LMNTD1: variants seen among roughly 807,000 people sequenced by gnomAD.
LMNTD1 encodes lamin tail domain-containing protein 1.
In LMNTD1, 35 loss-of-function variants were observed where a neutral mutation model predicts 50.9. That is an observed-to-expected ratio of 0.69 (90% CI 0.53 to 0.91). LMNTD1 has a LOEUF of 0.91. Among genes scored for constraint, LMNTD1 ranks in the 40% least tolerant of loss-of-function variants. LMNTD1 has a pLI of 0.00. For synonymous variants in LMNTD1, 153 were observed against 161.9 expected (o/e 0.94, Z 0.42); for missense variants, 470 against 475.5 (o/e 0.99, Z 0.11).
intron 1 of LMNTD1, among the ~76,000 whole-genome samples, chr12:25,612,986 G>A (rs755365080): frequency 1.6e-4 from 24 of 152,146 alleles, no homozygotes; most frequent in Non-Finnish European, 2.6e-4. Context: ...ATGGGATGAT[G>A]GCAGCAGCAG....
rs577751330 is a variant in LMNTD1 at position 25,479,654 on chromosome 12, A to C, written c.*23-3194T>G. ...AGGCAATGCTGTGTGGAATACCATGACGGTGGATAAGGCCTTCCAATGAGT... is the reference window on the plus strand; with the variant it reads ...AGGCAATGCTGTGTGGAATACCATGCCGGTGGATAAGGCCTTCCAATGAGT... On this transcript the variant is annotated intron_variant, in intron 9 of 9. Transcript: ENST00000458174. Among the ~76,000 whole-genome samples, 233 of 152,348 alleles carry C rather than the reference A, an allele frequency of 1.5e-3. 1 individual carries two copies. The highest frequency in any genetic ancestry group is 6.8e-3 in the Middle Eastern group (2 of 294).
At chr12:25,624,615 T>C (rs145236801) in intron 1 of LMNTD1, among the ~76,000 whole-genome samples, 8 of 101,484 alleles carry the variant, frequency 7.9e-5, no homozygotes, top group African/African-American at 1.5e-4. Context: ...TTTGAGTAGG[T>C]AGAGTCACTA....
intron 1 of LMNTD1, among the ~76,000 whole-genome samples, chr12:25,583,961 A>T (rs11835562): frequency 0.019 from 2,936 of 152,306 alleles, 71 homozygotes; most frequent in African/African-American, 0.06. Flanking sequence ...TAAGAAGCAG[A>T]GAGACCAGAG....
chr12:25,491,141 A>C (rs897053468), intron 9 of LMNTD1, among the ~76,000 whole-genome samples: 1 of 152,244 alleles, frequency 6.6e-6, no homozygotes, highest in African/African-American at 2.4e-5. Flanking sequence ...GCTGATTACC[A>C]CATAGGTGCT....
At chr12:25,639,430 C>T (rs988904142) in intron 1 of LMNTD1, among the ~76,000 whole-genome samples, 1 of 151,956 alleles carries the variant, frequency 6.6e-6, no homozygotes, top group African/African-American at 2.4e-5. Context: ...ATCACGTGTC[C>T]AGAATACATA....
At chr12:25,557,828 T>A (rs1944104386), upstream of LMNTD1, among the ~76,000 whole-genome samples, 1 of 152,188 alleles carries the variant, frequency 6.6e-6, no homozygotes, top group Non-Finnish European at 1.5e-5. Flanking sequence ...TTGATATAAA[T>A]TTGCAGTTTC....
chr12:25,486,447 CAAA>C (rs1938644343), intron 9 of LMNTD1, among the ~76,000 whole-genome samples: 1 of 148,220 alleles, frequency 6.7e-6, no homozygotes, highest in Non-Finnish European at 1.5e-5. Context: ...ATGTCGTCTG[CAAA>C]CAGGGACAAT....
rs567884406 is a variant in LMNTD1, at chr12:25,592,060, G to A, written c.59-45506C>T. Among the ~76,000 whole-genome samples, 4 of 152,226 alleles carry A rather than the reference G, an allele frequency of 2.6e-5. No homozygotes were observed. In the South Asian group the frequency reaches 8.3e-4, roughly 32 times the overall value. On this transcript the variant is annotated intron_variant, in intron 1 of 7. Coordinates refer to the LMNTD1 transcript ENST00000445693. Reference sequence around the variant, plus strand: ...CTAAGTTCTCTTGAATATCTAGAAAGCCTTCCCAAGAAGGACAGGTACAAA... The same window carrying A: ...CTAAGTTCTCTTGAATATCTAGAAAACCTTCCCAAGAAGGACAGGTACAAA...
chr12:25,527,494 T>C (rs1429998657), intron 4 of LMNTD1, among the ~76,000 whole-genome samples: 2 of 151,184 alleles, frequency 1.3e-5, no homozygotes, highest in Non-Finnish European at 3.0e-5. Flanking sequence ...CATATCATTA[T>C]GTATCAGCAT....
chr12:25,639,341 T>C (rs1202212606), intron 1 of LMNTD1, among the ~76,000 whole-genome samples: 1 of 152,160 alleles, frequency 6.6e-6, no homozygotes, highest in Non-Finnish European at 1.5e-5. Flanking sequence ...TTGAAAACTT[T>C]TTTGCTACAA....
chr12:25,528,853 C>T (rs1942010807), intron 4 of LMNTD1, among the ~76,000 whole-genome samples: 1 of 152,086 alleles, frequency 6.6e-6, no homozygotes. Context: ...ACCTATTTCC[C>T]CCAAATAGGT....
intron 9 of LMNTD1, among the ~76,000 whole-genome samples, chr12:25,495,589 T>C (rs1939034235): frequency 1.3e-5 from 2 of 152,190 alleles, no homozygotes; most frequent in South Asian, 4.1e-4. Flanking sequence ...ATCAATCTTT[T>C]AGCTTTTATT....
Position 25,526,774 on chromosome 12 carries a change from C to A in LMNTD1, c.673G>T (p.Val225Leu). The part of the protein sequence containing the change: ...PNIVMQANST[V>L]TVWAAASEAK... ...ATTTATACTCTTATACTCACTGTTA[C>A]TGTGGAATTTGCCTGCATTACGATG... is the stretch of plus-strand genomic sequence containing the variant. Residue 225 changes from valine (V) to leucine (L), a missense_variant, in exon 5 of 10, where the codon GTA becomes TTA. Coordinates refer to ENST00000458174, the MANE Select transcript of LMNTD1 (RefSeq NM_001145728.2). 3.1e-6 allele frequency: 5 copies of A among 1,601,682 alleles called. No individual in the cohort carries two copies. The highest frequency in any genetic ancestry group is 4.3e-6 in the Non-Finnish European group (5 of 1,172,170).
chr12:25,488,048 C>G (rs1413301290), intron 9 of LMNTD1, among the ~76,000 whole-genome samples: 1 of 148,250 alleles, frequency 6.7e-6, no homozygotes, highest in Non-Finnish European at 1.5e-5. Flanking sequence ...CGACCTTTCT[C>G]TCTGGCTGCC....
intron 6 of LMNTD1, among the ~76,000 whole-genome samples, chr12:25,525,363 C>G (rs998304450): frequency 1.3e-5 from 2 of 152,046 alleles, no homozygotes; most frequent in African/African-American, 4.8e-5. Context: ...ATATTAGTTC[C>G]TTGGTGCAGA....
chr12:25,565,032 A>AT (rs1944496494), intron 1 of LMNTD1, among the ~76,000 whole-genome samples: 1 of 152,136 alleles, frequency 6.6e-6, no homozygotes, highest in African/African-American at 2.4e-5. Context: ...TTTGTCTGAT[A>AT]TAAGTATAGC....
chr12:25,545,628 C>T (rs770212869), intron 4 of LMNTD1, among the ~76,000 whole-genome samples: 12 of 151,642 alleles, frequency 7.9e-5, no homozygotes, highest in Non-Finnish European at 1.5e-4. Context: ...ATCATTTTAA[C>T]ATAGTAGGTA....
At chr12:25,551,383 TTTTTC>T (rs141293871) in intron 2 of LMNTD1, among the ~76,000 whole-genome samples, 10 of 151,866 alleles carry the variant, frequency 6.6e-5, no homozygotes, top group Admixed American at 2.6e-4. Context: ...ATAAGAAATT[TTTTTC>T]TTTTCTTTTC....
rs879592329 is a variant in LMNTD1 at position 25,488,609 on chromosome 12, G to A, written c.*23-12149C>T. Among the ~76,000 whole-genome samples the A allele has an allele frequency of 3.6e-3, 537 of 150,448 alleles. 7 individuals are homozygous for A. The highest frequency in any genetic ancestry group is 0.025 in the East Asian group (129 of 5,108). On this transcript the variant is annotated intron_variant, in intron 9 of 9. Transcript: ENST00000458174. ...TCCCATAGCTCAGAGTAATTTGATCGTCTGAAGCCTTCTTCTCTCAGCTCG... is the reference window on the plus strand; with the variant it reads ...TCCCATAGCTCAGAGTAATTTGATCATCTGAAGCCTTCTTCTCTCAGCTCG...
Sources: allele counts gnomAD v4.1 joint callset (sites outside exome capture counted in the v4.1 genomes callset), GRCh38; gene constraint gnomAD v4.1.1; transcripts MANE v1.5; gene names NCBI Gene and HGNC (gene_info 2026-07-23, HGNC 2026-07-21).